The following AUTS2 variants were observed in gnomAD, a reference collection of about 807,000 sequenced individuals.
AUTS2 encodes the protein activator of transcription and developmental regulator AUTS2, also known as autism susceptibility gene 2 protein.
In AUTS2, 17 loss-of-function variants were observed where a neutral mutation model predicts 112.4. The ratio of observed to expected loss-of-function variants is 0.15; its 90% CI spans 0.10 to 0.23. The LOEUF (loss-of-function observed/expected upper bound fraction) is 0.23. AUTS2 is among the 10% of genes least tolerant of loss of function. The pLI is 1.00. For synonymous variants in AUTS2, 751 were observed against 702.7 expected, an observed-to-expected ratio of 1.07 and a Z score of -1.09; for missense variants, 1,510 against 1,701.6, an observed-to-expected ratio of 0.89 and a Z score of 1.98.
intron 1 of AUTS2, among the ~76,000 whole-genome samples, chr7:69,680,424 G>A (rs548363640): frequency 2.6e-5 from 4 of 152,186 alleles, no homozygotes; most frequent in African/African-American, 7.2e-5. Context: ...TAGCATACAC[G>A]CATTATCATT....
intron 4 of AUTS2, chr7:70,293,054 C>T (rs1023205472): frequency 3.3e-5 from 5 of 152,176 alleles, no homozygotes; most frequent in Non-Finnish European, 7.3e-5. Context: ...TCTGCAAAGT[C>T]CTCTTGAGAC....
At chr7:70,005,977 C>G (rs959830354) in intron 2 of AUTS2, among the ~76,000 whole-genome samples, 2 of 152,122 alleles carry the variant, frequency 1.3e-5, no homozygotes, top group African/African-American at 4.8e-5. Flanking sequence ...AATGTTACCT[C>G]TTTTCCGACT....
At chr7:70,738,638 G>A (rs1787914384) in intron 6 of AUTS2, among the ~76,000 whole-genome samples, 1 of 152,138 alleles carries the variant, frequency 6.6e-6, no homozygotes. Context: ...ACTGCTGGGG[G>A]ATCTTTAATG....
At chr7:70,729,039 G>A in intron 6 of AUTS2, 1 of 393,886 alleles carries the variant, frequency 2.5e-6, no homozygotes. Flanking sequence ...AGCAGCCTGG[G>A]AGGAGCCACT....
intron 2 of AUTS2, among the ~76,000 whole-genome samples, chr7:70,001,276 C>T (rs1294976265): frequency 2.0e-5 from 3 of 152,054 alleles, no homozygotes; most frequent in African/African-American, 7.2e-5. Flanking sequence ...CAGGTGTGTG[C>T]CACCACGCCT....
intron 14 of AUTS2, among the ~76,000 whole-genome samples, chr7:70,778,014 A>G (rs2129559357): frequency 6.6e-6 from 1 of 152,326 alleles, no homozygotes; most frequent in Middle Eastern, 3.4e-3. Flanking sequence ...GGATTGGAAT[A>G]CAGTCAGTAC....
At chr7:69,988,250 A>G (rs1274201352) in intron 2 of AUTS2, among the ~76,000 whole-genome samples, 1 of 152,212 alleles carries the variant, frequency 6.6e-6, no homozygotes, top group African/African-American at 2.4e-5. Context: ...GAATGTCTAA[A>G]AAGATGAGTT....
intron 1 of AUTS2, among the ~76,000 whole-genome samples, chr7:69,789,233 T>C (rs1584249341): frequency 6.6e-6 from 1 of 152,124 alleles, no homozygotes; most frequent in African/African-American, 2.4e-5. Context: ...GCTCTCAAAC[T>C]TCAATGCACA....
In AUTS2 at chr7:70,792,902, A is replaced by G. The variant is rs1792061335; in HGVS notation, c.*1906A>G. On this transcript the variant is annotated 3_prime_UTR_variant, in exon 19 of 19. Coordinates refer to ENST00000342771, the MANE Select transcript of AUTS2 (RefSeq NM_015570.4). ...AGCTGCTTGTTTGTGTGAGGTGACC[A>G]TCATTACCTTAGGGAAGAAGCCATA... 2 of 152,626 alleles carry G rather than the reference A, an allele frequency of 1.3e-5. No individual in the cohort carries two copies. Among genetic ancestry groups the G allele is most frequent in the South Asian group, 2.1e-4 (1 of 4,830 alleles). 9.5% of individuals were successfully genotyped at this position (152,626 alleles called of 1,614,324 possible).
chr7:70,004,314 T>TTATATATATAA lies in AUTS2; in HGVS notation c.522+104826_522+104836dup, dbSNP rs1223748280. On this transcript the variant is annotated intron_variant, in intron 2 of 18. Coordinates refer to ENST00000342771, the MANE Select transcript of AUTS2 (RefSeq NM_015570.4). ...TGAATATATTATATGTGACTATATA[T>TTATATATATAA]TATATATATAATATATATATGAATA... Among the ~76,000 whole-genome samples the TTATATATATAA allele has an allele frequency of 4.4e-5, 6 of 134,934 alleles. No individual in the cohort carries two copies. The South Asian group carries it at 1.3e-3, about 30-fold the overall frequency. The allele number at this position is 134,934 out of a possible 152,430, so 88.5% of individuals were successfully genotyped here. A position where few individuals can be genotyped will look rare whatever the true frequency, so the allele number is the denominator to read the frequency against.
intron 2 of AUTS2, among the ~76,000 whole-genome samples, chr7:69,985,128 G>T (rs1193776522): frequency 2.0e-5 from 3 of 151,422 alleles, no homozygotes; most frequent in African/African-American, 7.3e-5. Flanking sequence ...CGCTGTGGGA[G>T]CCTGAGGCAG....
intron 2 of AUTS2, among the ~76,000 whole-genome samples, chr7:69,929,431 A>G (rs1030122460): frequency 1.5e-4 from 22 of 151,150 alleles, no homozygotes; most frequent in African/African-American, 4.9e-4. Context: ...TTGGGTTATT[A>G]TTTCTTTAAG....
intron 2 of AUTS2, among the ~76,000 whole-genome samples, chr7:69,983,790 G>A (rs1466938224): frequency 7.0e-6 from 1 of 143,046 alleles, no homozygotes; most frequent in Non-Finnish European, 1.5e-5. Flanking sequence ...ATACACTTAT[G>A]TGAAGTAATT....
At chr7:70,333,806 G>T (rs993418131) in intron 4 of AUTS2, among the ~76,000 whole-genome samples, 1 of 152,086 alleles carries the variant, frequency 6.6e-6, no homozygotes, top group Non-Finnish European at 1.5e-5. Flanking sequence ...AGGGCCTGTT[G>T]GGGGGTGGAG....
At chr7:69,930,209 T>C (rs912742075) in intron 2 of AUTS2, among the ~76,000 whole-genome samples, 1 of 152,222 alleles carries the variant, frequency 6.6e-6, no homozygotes, top group Non-Finnish European at 1.5e-5. Context: ...ATAATTCTTT[T>C]GGGTGTTTCT....
At chr7:69,709,944 A>G (rs1024503237) in intron 1 of AUTS2, among the ~76,000 whole-genome samples, 10 of 152,184 alleles carry the variant, frequency 6.6e-5, no homozygotes, top group Non-Finnish European at 1.0e-4. Flanking sequence ...TTTCTTAAAA[A>G]TGCCAGAACC....
intron 2 of AUTS2, among the ~76,000 whole-genome samples, chr7:70,074,817 G>A (rs1190429215): frequency 6.6e-6 from 1 of 152,198 alleles, no homozygotes; most frequent in Non-Finnish European, 1.5e-5. Flanking sequence ...CCTGCCTTAA[G>A]TAGGAGGGAA....
At chr7:69,814,271 G>A (rs1790664987) in intron 1 of AUTS2, among the ~76,000 whole-genome samples, 1 of 152,182 alleles carries the variant, frequency 6.6e-6, no homozygotes, top group African/African-American at 2.4e-5. Flanking sequence ...GTTTTCCTAT[G>A]TTCCTTATGG....
intron 1 of AUTS2, among the ~76,000 whole-genome samples, chr7:69,882,187 A>T (rs1003479615): frequency 6.3e-5 from 9 of 143,110 alleles, no homozygotes; most frequent in Non-Finnish European, 6.1e-5. Flanking sequence ...AGACCAAGTG[A>T]TAGGCTGGGC....
Sources: gnomAD v4.1 joint callset for allele counts (sites outside exome capture counted in the v4.1 genomes callset) on GRCh38, gnomAD v4.1.1 for gene constraint, MANE v1.5 for transcripts, NCBI Gene and HGNC (gene_info 2026-07-23, HGNC 2026-07-21) for gene names.